PID1: variants seen among roughly 807,000 people sequenced by gnomAD.
PID1 encodes PTB-containing, cubilin and LRP1-interacting protein.
In PID1, 10 loss-of-function variants were observed where a neutral mutation model predicts 19.1. That is an observed-to-expected ratio of 0.52 (90% confidence interval 0.32 to 0.89). The LOEUF (loss-of-function observed/expected upper bound fraction) is 0.89, where lower values mean the gene tolerates loss of function less well. Ranked by LOEUF, PID1 falls within the 40% of genes least tolerant of loss-of-function variation. The pLI, the probability that PID1 is intolerant of heterozygous loss-of-function variation, is 0.03. For missense variants in PID1, 248 were observed against 285.3 expected (o/e 0.87, Z 0.94); for synonymous variants, 130 against 116.0 (o/e 1.12, Z -0.78).
At chr2:229,199,811 AAC>A (rs1394741211) in intron 1 of PID1, among the ~76,000 whole-genome samples, 1 of 150,444 alleles carries the variant, frequency 6.6e-6, no homozygotes, top group African/African-American at 2.4e-5. Flanking sequence ...AATCTATCCC[AAC>A]AGTTTTCAAG....
chr2:229,128,016 A>G (rs773806792), intron 2 of PID1, among the ~76,000 whole-genome samples: 1 of 152,172 alleles, frequency 6.6e-6, no homozygotes, highest in African/African-American at 2.4e-5. Context: ...TGGAGCTACA[A>G]GCCCTTTGTG....
chr2:229,243,059 A>T (rs1467355674), intron 1 of PID1, among the ~76,000 whole-genome samples: 2 of 152,158 alleles, frequency 1.3e-5, no homozygotes, highest in Non-Finnish European at 2.9e-5. Flanking sequence ...CAAAAGAAAG[A>T]GGTTTAATGG....
intron 1 of PID1, among the ~76,000 whole-genome samples, chr2:229,201,390 G>A (rs79484021): frequency 0.11 from 16,080 of 152,038 alleles, 1,121 homozygotes; most frequent in East Asian, 0.41. Context: ...TTTTGTGACT[G>A]TCTTCTTTAT....
In PID1 at chr2:229,183,780, G is replaced by A. The variant is rs1375198607; in HGVS notation, c.31-27816C>T. Among the ~76,000 whole-genome samples the A allele has an allele frequency of 3.3e-5, 5 of 151,650 alleles. No individual in the cohort carries two copies. In the East Asian group the frequency reaches 9.7e-4, roughly 30 times the overall value. ...ACTGGCTATCCTGTGTCTCCAGCTTGCCAACTGTAGATCTCTAATATCACA... is the reference window on the plus strand; with the variant it reads ...ACTGGCTATCCTGTGTCTCCAGCTTACCAACTGTAGATCTCTAATATCACA... On this transcript the variant is annotated intron_variant, in intron 1 of 2. Transcript: ENST00000392055.
intron 1 of PID1, among the ~76,000 whole-genome samples, chr2:229,267,162 T>C (rs1048078990): frequency 6.6e-6 from 1 of 152,218 alleles, no homozygotes; most frequent in South Asian, 2.1e-4. Flanking sequence ...CTTCAACCAC[T>C]TCATCAACCA....
In PID1 at chr2:229,229,097, T is replaced by G. The variant is rs572103792; in HGVS notation, c.30+41917A>C. ...TGTCATCTAGGACAGCTTGGAGCTA[T>G]CACTAAGTCTATGTGTGCAGTAAAG... On this transcript the variant is annotated intron_variant, in intron 1 of 2. Coordinates refer to ENST00000392055, the MANE Select transcript of PID1 (RefSeq NM_001100818.2). Among the ~76,000 whole-genome samples, 36 of 152,322 alleles carry G rather than the reference T, an allele frequency of 2.4e-4. No homozygotes were observed. In the South Asian group the frequency reaches 7.0e-3, roughly 30 times the overall value.
chr2:229,237,569 T>C (rs1010724531), intron 1 of PID1, among the ~76,000 whole-genome samples: 16 of 152,162 alleles, frequency 1.1e-4, no homozygotes, highest in African/African-American at 3.9e-4. Context: ...CACTTGCTTC[T>C]AATTATAAGT....
At chr2:229,145,241 T>TG (rs1214309177) in intron 2 of PID1, among the ~76,000 whole-genome samples, 4 of 149,720 alleles carry the variant, frequency 2.7e-5, no homozygotes, top group African/African-American at 4.9e-5. Context: ...GTATCATATT[T>TG]GTATAAACCA....
intron 1 of PID1, among the ~76,000 whole-genome samples, chr2:229,162,803 C>T (rs891292793): frequency 6.6e-6 from 1 of 152,184 alleles, no homozygotes; most frequent in African/African-American, 2.4e-5. Context: ...AAGGTATATT[C>T]AGGCTCCAAC....
rs546215307 is a variant in PID1 at position 229,167,950 on chromosome 2, CT to C, written c.31-11987del. On this transcript the variant is annotated intron_variant, in intron 1 of 2. Coordinates refer to ENST00000392055, the MANE Select transcript of PID1 (RefSeq NM_001100818.2). ...TTTTTAGAACTAACTTTAGATTTAACTTGTGTTCATATTTTAGCATCATGCA... is the reference window on the plus strand; with the variant it reads ...TTTTTAGAACTAACTTTAGATTTAACTGTGTTCATATTTTAGCATCATGCA... Among the ~76,000 whole-genome samples, 689 of 152,172 alleles carry C rather than the reference CT, an allele frequency of 4.5e-3. 1 individual carries two copies. The highest frequency in any genetic ancestry group is 0.015 in the African/African-American group (629 of 41,556).
intron 1 of PID1, among the ~76,000 whole-genome samples, chr2:229,167,776 G>C (rs1181750506): frequency 6.6e-6 from 1 of 152,012 alleles, no homozygotes; most frequent in African/African-American, 2.4e-5. Flanking sequence ...TAATCATTTG[G>C]GGACGCTTGA....
At chr2:229,053,683 T>A (rs1307578805) in intron 2 of PID1, among the ~76,000 whole-genome samples, 3 of 152,214 alleles carry the variant, frequency 2.0e-5, no homozygotes, top group Non-Finnish European at 2.9e-5. Context: ...TCCAAACTGG[T>A]CTATCGTTTT....
intron 2 of PID1, among the ~76,000 whole-genome samples, chr2:229,090,905 C>T (rs902388400): frequency 6.6e-6 from 1 of 152,118 alleles, no homozygotes; most frequent in Non-Finnish European, 1.5e-5. Flanking sequence ...AACAGAGAAC[C>T]GGGAACATTC....
chr2:229,130,376 G>A (rs985283651), intron 2 of PID1, among the ~76,000 whole-genome samples: 12 of 152,338 alleles, frequency 7.9e-5, no homozygotes, highest in Non-Finnish European at 1.5e-4. Flanking sequence ...GACAGTGACA[G>A]CAAGAAAAGG....
At chr2:229,122,870 C>A (rs1695549734) in intron 2 of PID1, among the ~76,000 whole-genome samples, 1 of 152,156 alleles carries the variant, frequency 6.6e-6, no homozygotes, top group Non-Finnish European at 1.5e-5. Context: ...AGCTGTCATT[C>A]ATTCCTTGGA....
chr2:229,089,399 T>G (rs1490788713), intron 2 of PID1, among the ~76,000 whole-genome samples: 1 of 152,204 alleles, frequency 6.6e-6, no homozygotes, highest in Non-Finnish European at 1.5e-5. Flanking sequence ...TACTGAGATT[T>G]TAGTTGTATC....
At chr2:229,102,537 GC>G (rs1329591219) in intron 2 of PID1, among the ~76,000 whole-genome samples, 1 of 152,204 alleles carries the variant, frequency 6.6e-6, no homozygotes, top group Non-Finnish European at 1.5e-5. Context: ...AGAGCTTGCA[GC>G]TTTTCCTTAG....
chr2:229,087,828 AC>A (rs1176859759), intron 2 of PID1, among the ~76,000 whole-genome samples: 1 of 152,206 alleles, frequency 6.6e-6, no homozygotes, highest in Non-Finnish European at 1.5e-5. Context: ...GTAACCTGTT[AC>A]ATAAATAGAA....
At chr2:229,154,439 C>T (rs1318824105) in intron 2 of PID1, among the ~76,000 whole-genome samples, 2 of 152,170 alleles carry the variant, frequency 1.3e-5, no homozygotes, top group Non-Finnish European at 2.9e-5. Context: ...TCTCACTAAC[C>T]ATGCTTGTTT....
Sources: gnomAD v4.1 joint callset for allele counts (sites outside exome capture counted in the v4.1 genomes callset) on GRCh38, gnomAD v4.1.1 for gene constraint, MANE v1.5 for transcripts, NCBI Gene and HGNC (gene_info 2026-07-23, HGNC 2026-07-21) for gene names.